KCNT2: variants seen among roughly 807,000 people sequenced by gnomAD.
KCNT2 encodes the protein potassium sodium-activated channel subfamily T member 2, also known as potassium channel subfamily T member 2.
Under a neutral mutation model 153.8 loss-of-function variants are expected in KCNT2, and 67 were observed. The observed-to-expected ratio is 0.44, with a 90% CI of 0.36 to 0.53. The LOEUF is 0.53. KCNT2 is among the 20% of genes least tolerant of loss of function. The pLI, the probability that KCNT2 is intolerant of heterozygous loss-of-function variation, is 0.00. For missense variants in KCNT2, 975 were observed against 1,354.8 expected, an observed-to-expected ratio of 0.72 and a Z score of 4.40; for synonymous variants, 500 against 458.8, an observed-to-expected ratio of 1.09 and a Z score of -1.15.
At chr1:196,270,911 C>A (rs1337110569) in intron 25 of KCNT2, among the ~76,000 whole-genome samples, 1 of 151,746 alleles carries the variant, frequency 6.6e-6, no homozygotes, top group African/African-American at 2.4e-5. Flanking sequence ...ACTCAATCAC[C>A]TTCACTATAT....
At chr1:196,449,908 G>A (rs1322484782) in intron 8 of KCNT2, among the ~76,000 whole-genome samples, 1 of 151,694 alleles carries the variant, frequency 6.6e-6, no homozygotes, top group Non-Finnish European at 1.5e-5. Flanking sequence ...GGTTGCTTGA[G>A]GGTAGGAAAA....
chr1:196,325,437 A>C (rs544488067), intron 19 of KCNT2, among the ~76,000 whole-genome samples: 2 of 152,240 alleles, frequency 1.3e-5, no homozygotes, highest in South Asian at 4.1e-4. Flanking sequence ...AAGCTGACAC[A>C]TTTGAACTCA....
At chr1:196,398,415 C>T (rs939569190) in intron 13 of KCNT2, 148 bp downstream of exon 13, 12 of 546,100 alleles carry the variant, frequency 2.2e-5, no homozygotes, top group Admixed American at 7.1e-5. Flanking sequence ...TAAATCCTCT[C>T]GTATCAAGTA....
intron 26 of KCNT2, among the ~76,000 whole-genome samples, chr1:196,249,377 C>A (rs1655747981): frequency 6.6e-6 from 1 of 152,146 alleles, no homozygotes; most frequent in South Asian, 2.1e-4. Context: ...TCCTTGTTTG[C>A]AGATGATATG....
chr1:196,284,611 A>C (rs1369771420), intron 23 of KCNT2, among the ~76,000 whole-genome samples: 3 of 151,970 alleles, frequency 2.0e-5, no homozygotes, highest in African/African-American at 7.2e-5. Flanking sequence ...TAATCTCTTT[A>C]AGAGATCAGA....
At chr1:196,279,051 T>C (rs1658844571) in intron 25 of KCNT2, among the ~76,000 whole-genome samples, 1 of 152,174 alleles carries the variant, frequency 6.6e-6, no homozygotes, top group Admixed American at 6.5e-5. Flanking sequence ...ACTGGTGCCC[T>C]GATCTTGGAC....
At chr1:196,456,383 C>T (rs914729042) in intron 8 of KCNT2, among the ~76,000 whole-genome samples, 16 of 151,802 alleles carry the variant, frequency 1.1e-4, no homozygotes, top group Admixed American at 6.6e-4. Flanking sequence ...CAGAATTTAA[C>T]GTTATGTATA....
At chr1:196,498,627 G>A (rs911679485) in intron 1 of KCNT2, among the ~76,000 whole-genome samples, 2 of 152,146 alleles carry the variant, frequency 1.3e-5, no homozygotes, top group Non-Finnish European at 2.9e-5. Context: ...TGAATGGTGA[G>A]TTAATATACA....
intron 1 of KCNT2, among the ~76,000 whole-genome samples, chr1:196,498,482 T>G (rs1269078907): frequency 6.6e-6 from 1 of 152,154 alleles, no homozygotes; most frequent in Admixed American, 6.6e-5. Context: ...TATATAAGAT[T>G]TTTATTACTG....
intron 25 of KCNT2, among the ~76,000 whole-genome samples, chr1:196,265,755 A>G (rs1429403238): frequency 6.6e-6 from 1 of 152,158 alleles, no homozygotes; most frequent in Non-Finnish European, 1.5e-5. Flanking sequence ...GTTGCTGTCT[A>G]TGCCTCCATA....
intron 13 of KCNT2, among the ~76,000 whole-genome samples, chr1:196,382,387 G>T (rs551571189): frequency 7.9e-5 from 12 of 152,126 alleles, no homozygotes; most frequent in South Asian, 2.1e-4. Flanking sequence ...GATTACAGAC[G>T]TGAGCCACCG....
At chr1:196,607,763 G>A (rs576289348) in intron 1 of KCNT2, among the ~76,000 whole-genome samples, 1 of 152,296 alleles carries the variant, frequency 6.6e-6, no homozygotes, top group East Asian at 1.9e-4. Context: ...AGACAAGGAG[G>A]AGGTAAATAG....
rs574966129 is a variant in KCNT2, at chr1:196,294,354, C to T, written c.2596-8596G>A. Among the ~76,000 whole-genome samples, 7 of 152,246 alleles carry T rather than the reference C, an allele frequency of 4.6e-5. No homozygotes were observed. In the East Asian group the frequency reaches 1.4e-3, roughly 29 times the overall value. On this transcript the variant is annotated intron_variant, in intron 22 of 27. Transcript: ENST00000294725. ...GCAGTGGTGCGATCTCAGCTCATTG[C>T]AACCTCCAACTCCCTGGTTCAAGCG...
intron 18 of KCNT2, among the ~76,000 whole-genome samples, chr1:196,328,290 C>T (rs554335979): frequency 3.3e-5 from 5 of 151,012 alleles, no homozygotes; most frequent in Admixed American, 1.3e-4. Flanking sequence ...GGATCACGTG[C>T]GGGACAGAAT....
intron 8 of KCNT2, among the ~76,000 whole-genome samples, chr1:196,437,371 T>C (rs887025893): frequency 1.4e-5 from 2 of 140,548 alleles, no homozygotes; most frequent in African/African-American, 2.6e-5. Flanking sequence ...TATTTATATA[T>C]ATTTTTATTT....
chr1:196,508,189 C>CAAAAAAA (rs10539910), intron 1 of KCNT2, among the ~76,000 whole-genome samples: 367 of 59,686 alleles, frequency 6.1e-3, no homozygotes, highest in Admixed American at 8.6e-3. Context: ...CCCTAAGTAG[C>CAAAAAAA]AAAAAAAAAA....
chr1:196,605,856 A>T (rs1301215301), intron 1 of KCNT2, among the ~76,000 whole-genome samples: 3 of 152,192 alleles, frequency 2.0e-5, no homozygotes, highest in African/African-American at 7.2e-5. Context: ...GAGCACCTAA[A>T]CTATGCTAGG....
chr1:196,411,227 A>G lies in KCNT2; in HGVS notation c.1185+11823T>C, dbSNP rs577639600. Among the ~76,000 whole-genome samples, 147 of 150,958 alleles carry G rather than the reference A, an allele frequency of 9.7e-4. 1 individual carries two copies. The highest frequency in any genetic ancestry group is 2.0e-3 in the African/African-American group (83 of 41,132). On this transcript the variant is annotated intron_variant, in intron 12 of 27. Transcript: ENST00000294725. ...TGACAACCTCGTCAAAGATCAGTTG[A>G]CTATATGTGCATAGGTTTATTTTTA... is the stretch of plus-strand genomic sequence containing the variant.
chr1:196,403,998 T>C (rs146149400), intron 12 of KCNT2: 29 of 173,816 alleles, frequency 1.7e-4, no homozygotes, highest in Non-Finnish European at 1.9e-4. Flanking sequence ...GTTTGGCTTA[T>C]CTGACACCAT....
Sources: gnomAD v4.1 joint callset for allele counts (sites outside exome capture counted in the v4.1 genomes callset) on GRCh38, gnomAD v4.1.1 for gene constraint, MANE v1.5 for transcripts, NCBI Gene and HGNC (gene_info 2026-07-23, HGNC 2026-07-21) for gene names.